IQANK1: variants seen among roughly 807,000 people sequenced by gnomAD.
IQANK1 encodes IQ motif and ankyrin repeat domain-containing protein 1.
In IQANK1, 30 loss-of-function variants were observed where a neutral mutation model predicts 22.6. The ratio of observed to expected loss-of-function variants is 1.33; its 90% CI spans 0.99 to 1.80. The LOEUF is 1.80. IQANK1 is among the 40% of genes most tolerant of loss of function. The probability of loss-of-function intolerance (pLI) is 0.00; values close to 1 mark genes in which losing one functional copy is unlikely to be tolerated. For missense variants in IQANK1, 275 were observed against 235.2 expected, an observed-to-expected ratio of 1.17 and a Z score of -1.11; for synonymous variants, 122 against 99.6, an observed-to-expected ratio of 1.23 and a Z score of -1.34.
At chr8:143,787,894 C>T (rs1488720550) in intron 7 of IQANK1, among the ~76,000 whole-genome samples, 2 of 152,080 alleles carry the variant, frequency 1.3e-5, no homozygotes, top group East Asian at 1.9e-4. Context: ...CACCTGGCCC[C>T]GTCGCCAGGC....
At chr8:143,761,371 C>T (rs1326410042) in intron 3 of IQANK1, among the ~76,000 whole-genome samples, 1 of 152,264 alleles carries the variant, frequency 6.6e-6, no homozygotes, top group African/African-American at 2.4e-5. Context: ...ACTCAGACCC[C>T]GTCTGCTCCA....
At chr8:143,754,609 G>T (rs1182494928) in intron 3 of IQANK1, among the ~76,000 whole-genome samples, 2 of 152,042 alleles carry the variant, frequency 1.3e-5, no homozygotes, top group Admixed American at 1.3e-4. Context: ...TCAAGACAAA[G>T]GTAGCAATCT....
At position 143,735,778 on chromosome 8, in the gene IQANK1, CCCACTG is replaced by C. The variant is rs751940098; in HGVS notation, c.-4-63_-4-58del. 1.4e-6 allele frequency: 1 copy of C among 694,816 alleles called. No individual in the cohort carries two copies. Among genetic ancestry groups the C allele is most frequent in the South Asian group, 1.5e-5 (1 of 66,708 alleles). 43.0% of individuals were successfully genotyped at this position (694,816 alleles called of 1,614,324 possible). On this transcript the variant is annotated intron_variant, in intron 1 of 13. Coordinates refer to ENST00000527139, the MANE Select transcript of IQANK1 (RefSeq NM_001381874.1). The surrounding 1 kb of genome is among the most constrained non-coding windows in gnomAD (Gnocchi z 5.2). ...CAGGCGCCCATGGTGTGCCCTGTTC[CCCACTG>C]CCACTGCCCCTGCCCTCTGCCACTC...
chr8:143,786,411 C>T (rs567384218), intron 7 of IQANK1, among the ~76,000 whole-genome samples: 255 of 152,244 alleles, frequency 1.7e-3, no homozygotes, highest in African/African-American at 3.5e-3. Flanking sequence ...CACCCACCCA[C>T]GTTTATATTT....
intron 3 of IQANK1, among the ~76,000 whole-genome samples, chr8:143,748,653 ATC>A (rs1554627532): frequency 1.7e-5 from 2 of 119,118 alleles, no homozygotes; most frequent in African/African-American, 7.7e-5. Context: ...ATAAATATAT[ATC>A]AATCATATAT....
chr8:143,735,657 C>T lies in IQANK1; in HGVS notation c.-4-193C>T, dbSNP rs1161817949. On this transcript the variant is annotated intron_variant, in intron 1 of 13. Coordinates refer to ENST00000527139, the MANE Select transcript of IQANK1 (RefSeq NM_001381874.1). This position sits in a 1 kb window ranked among gnomAD's most constrained non-coding sequence, Gnocchi z 5.2. The stretch of plus-strand genomic sequence containing the variant: ...GGCCAAGTGCTCTTGCCAGGCATCC[C>T]GGCTCAAGCTTCTGGGCACACACCC... Among the ~76,000 whole-genome samples the T allele has an allele frequency of 2.6e-5, 4 of 152,136 alleles. No individual in the cohort carries two copies. Among genetic ancestry groups the T allele is most frequent in the South Asian group, 2.1e-4 (1 of 4,824 alleles).
At position 143,788,925 on chromosome 8, in the gene IQANK1, T is replaced by C; in HGVS notation, c.800T>C (p.Leu267Pro). 2.5e-6 allele frequency: 1 copy of C among 399,092 alleles called. No individual in the cohort carries two copies. 24.7% of individuals were successfully genotyped at this position (399,092 alleles called of 1,614,324 possible). Residue 267 changes from leucine to proline, a missense_variant, in exon 8 of 14, where the codon CTG becomes CCG. Leu to Pro is a moderately conservative substitution (Grantham distance 98). Coordinates refer to ENST00000527139, the MANE Select transcript of IQANK1 (RefSeq NM_001381874.1). ...GTCGTCTGTCACTAGGTGGCCTCAC[T>C]GGACACAGTGGTGAGCGTGCTGCGC... Reference protein sequence around the residue: ...DGSTPERVASLDTVVSVLRSW... With the variant: ...DGSTPERVASPDTVVSVLRSW...
intron 7 of IQANK1, among the ~76,000 whole-genome samples, chr8:143,781,527 A>G (rs1309266338): frequency 2.0e-5 from 3 of 152,156 alleles, no homozygotes; most frequent in African/African-American, 7.2e-5. Flanking sequence ...TCCATCTTCA[A>G]TCTTCTGCAT....
At chr8:143,749,356 TA>T (rs1225937665) in intron 3 of IQANK1, among the ~76,000 whole-genome samples, 3 of 130,264 alleles carry the variant, frequency 2.3e-5, no homozygotes, top group African/African-American at 9.1e-5. Flanking sequence ...CATAAATATA[TA>T]AAAATATATA....
chr8:143,785,918 G>C (rs374166108), intron 7 of IQANK1, among the ~76,000 whole-genome samples: 132 of 152,126 alleles, frequency 8.7e-4, no homozygotes, highest in African/African-American at 2.9e-3. Context: ...GTAGAGACGG[G>C]GTTTCACCAC....
At chr8:143,751,578 C>T (rs1451807963) in intron 3 of IQANK1, among the ~76,000 whole-genome samples, 1 of 148,046 alleles carries the variant, frequency 6.8e-6, no homozygotes, top group Non-Finnish European at 1.5e-5. Flanking sequence ...TGCCATTTCA[C>T]TCCAGCCTGG....
At chr8:143,773,790 C>G (rs529979154) in intron 7 of IQANK1, among the ~76,000 whole-genome samples, 1 of 152,088 alleles carries the variant, frequency 6.6e-6, no homozygotes, top group Non-Finnish European at 1.5e-5. Context: ...GGGGCAGGGC[C>G]GAGGCGGTGG....
At chr8:143,741,113 T>C (rs1318054595) in intron 3 of IQANK1, among the ~76,000 whole-genome samples, 1 of 152,158 alleles carries the variant, frequency 6.6e-6, no homozygotes, top group Non-Finnish European at 1.5e-5. Context: ...TGCAGGCTCC[T>C]GGTGGGAAAC....
rs1019707692 is a variant in IQANK1, at chr8:143,790,544, C to T, written c.1619C>T (p.Pro540Leu). ...RLFFVTKVQW[P>L]PAEQLQVLLP... ...TTTTTCGTCACCAAGGTCCAGTGGCCGCCAGCTGAGCAGCTGCAGGTGCTG... is the reference window on the plus strand; with the variant it reads ...TTTTTCGTCACCAAGGTCCAGTGGCTGCCAGCTGAGCAGCTGCAGGTGCTG... Residue 540 changes from proline (P) to leucine (L), a missense_variant, in exon 14 of 14, where the codon CCG becomes CTG. Physicochemically the swap from Pro to Leu is moderately conservative, Grantham distance 98 (BLOSUM62 -3). Transcript: ENST00000527139. 16 of 399,722 alleles carry T rather than the reference C, an allele frequency of 4.0e-5. No homozygotes were observed. The highest frequency in any genetic ancestry group is 6.2e-4 in the Middle Eastern group (1 of 1,614). The allele number at this position is 399,722 out of a possible 1,614,324, so 24.8% of individuals were successfully genotyped here.
At chr8:143,746,164 C>T (rs782100832) in intron 3 of IQANK1, 1 of 152,204 alleles carries the variant, frequency 6.6e-6, no homozygotes, top group African/African-American at 2.4e-5. Context: ...TTTTCCTTGC[C>T]TAACTGCTCT....
At chr8:143,777,765 T>C (rs1426946365) in intron 7 of IQANK1, among the ~76,000 whole-genome samples, 1 of 151,932 alleles carries the variant, frequency 6.6e-6, no homozygotes, top group Non-Finnish European at 1.5e-5. Context: ...TTAAAAAATA[T>C]TGCCAAAGAA....
chr8:143,739,864 C>G lies in IQANK1; in HGVS notation c.91C>G (p.Pro31Ala), dbSNP rs1818853513. 7 of 694,752 alleles carry G rather than the reference C, an allele frequency of 1.0e-5. No homozygotes were observed. The East Asian group carries it at 1.9e-4, about 19-fold the overall frequency. The allele number at this position is 694,752 out of a possible 1,614,324, so 43.0% of individuals were successfully genotyped here. The change falls in exon 3 of 14, where the codon CCC becomes GCC. Residue 31 changes from proline to alanine, a missense_variant. Transcript: ENST00000527139. ...GPKTRAAAGK[P>A]GENRPPQRKA... is the part of the protein sequence containing the mutation. ...TGACGGTCGTTTTCCCTTAGGGAAGCCCGGGGAGAACCGCCCGCCGCAGAG... is the reference window on the plus strand; with the variant it reads ...TGACGGTCGTTTTCCCTTAGGGAAGGCCGGGGAGAACCGCCCGCCGCAGAG...
At chr8:143,772,328 G>A (rs1554629874) in intron 6 of IQANK1, 29 bp from the exon 7 acceptor site, 1 of 398,778 alleles carries the variant, frequency 2.5e-6, no homozygotes, top group Non-Finnish European at 4.4e-6. Context: ...GGCAAGGCCT[G>A]GATCTTGCTC....
rs938721121 is a variant in IQANK1, at chr8:143,774,056, A to G, written c.789+1574A>G. On this transcript the variant is annotated intron_variant, in intron 7 of 13. Transcript: ENST00000527139. The surrounding 1 kb of genome is among the most constrained non-coding windows in gnomAD (Gnocchi z 4.2). ...CACACACCTATAAAAAATGAACTCAAAGTGGATTATAGATTTAAATGTAAA... is the reference window on the plus strand; with the variant it reads ...CACACACCTATAAAAAATGAACTCAGAGTGGATTATAGATTTAAATGTAAA... Among the ~76,000 whole-genome samples, 2 of 152,198 alleles carry G rather than the reference A, an allele frequency of 1.3e-5. No homozygotes were observed. The highest frequency in any genetic ancestry group is 4.8e-5 in the African/African-American group (2 of 41,422).
Sources: gnomAD v4.1 joint callset for allele counts (sites outside exome capture counted in the v4.1 genomes callset) on GRCh38, gnomAD v4.1.1 for gene constraint, Gnocchi (gnomAD v3.1) non-coding constraint, MANE v1.5 for transcripts, NCBI Gene and HGNC (gene_info 2026-07-23, HGNC 2026-07-21) for gene names.